Variants in TCF12 observed in about 807,000 individuals in gnomAD.
The protein encoded by TCF12 is DNA-binding protein HTF4.
Under a neutral mutation model 86.0 loss-of-function variants are expected in TCF12, and 45 were observed. The observed-to-expected ratio is 0.52, with a 90% CI of 0.41 to 0.67. The LOEUF is 0.67. TCF12 is among the 30% of genes least tolerant of loss of function. The pLI, the probability that TCF12 is intolerant of heterozygous loss-of-function variation, is 0.00. For missense variants in TCF12, 881 were observed against 859.9 expected (o/e 1.02, Z -0.31); for synonymous variants, 330 against 299.6 (o/e 1.10, Z -1.05).
At chr15:57,276,474 T>C (rs1485703085) in intron 19 of TCF12, among the ~76,000 whole-genome samples, 1 of 152,178 alleles carries the variant, frequency 6.6e-6, no homozygotes, top group African/African-American at 2.4e-5. Context: ...GGATAGAAAG[T>C]CGATGGAATA....
intron 5 of TCF12, among the ~76,000 whole-genome samples, chr15:57,136,022 T>C (rs1022162546): frequency 9.8e-5 from 15 of 152,316 alleles, no homozygotes; most frequent in African/African-American, 3.4e-4. Context: ...AGATCTTCAT[T>C]TATCTTCCAC....
chr15:57,057,336 A>G (rs1181364271), intron 3 of TCF12, among the ~76,000 whole-genome samples: 2 of 152,146 alleles, frequency 1.3e-5, no homozygotes, highest in Admixed American at 6.5e-5. Context: ...CAAAAAGACA[A>G]TGGGGTTTCT....
intron 8 of TCF12, among the ~76,000 whole-genome samples, chr15:57,208,557 A>T (rs933176877): frequency 1.4e-5 from 2 of 147,876 alleles, no homozygotes; most frequent in South Asian, 2.1e-4. Flanking sequence ...TAATTTTTGT[A>T]TTTTTTTTGT....
At chr15:56,938,349 C>T (rs764292346) in intron 3 of TCF12, among the ~76,000 whole-genome samples, 11 of 151,704 alleles carry the variant, frequency 7.3e-5, no homozygotes, top group Non-Finnish European at 1.3e-4. Flanking sequence ...TTCATAGAGA[C>T]GGGGTTTCAC....
chr15:57,037,684 C>G (rs534600473), intron 3 of TCF12, among the ~76,000 whole-genome samples: 2 of 152,150 alleles, frequency 1.3e-5, no homozygotes, highest in Non-Finnish European at 2.9e-5. Context: ...AGTACCCTTG[C>G]TTTTTAATGG....
In TCF12 at chr15:56,984,001, C is replaced by CAAAAAAAA. The variant is rs71113046; in HGVS notation, c.148+62911_148+62918dup. Reference sequence around the variant, plus strand: ...TAGGCAACTGAGTGAGACCCTGTCTCAAAAAAAAAAAAAAAGAAGAAGAAG... The same window carrying CAAAAAAAA: ...TAGGCAACTGAGTGAGACCCTGTCTCAAAAAAAAAAAAAAAAAAAAAAAGAAGAAGAAG... On this transcript the variant is annotated intron_variant, in intron 3 of 20. Coordinates refer to ENST00000333725, the MANE Select transcript of TCF12 (RefSeq NM_207037.2). 1.7e-3 allele frequency among the ~76,000 whole-genome samples: 73 copies of CAAAAAAAA among 43,034 alleles called. 4 individuals carry two copies. Among genetic ancestry groups the CAAAAAAAA allele is most frequent in the Middle Eastern group, 0.043 (2 of 46 alleles). The allele number at this position is 43,034 out of a possible 152,430, so 28.2% of individuals were successfully genotyped here. A position where few individuals can be genotyped will look rare whatever the true frequency, so the allele number is the denominator to read the frequency against.
intron 3 of TCF12, among the ~76,000 whole-genome samples, chr15:57,022,010 A>G (rs2065515370): frequency 6.6e-6 from 1 of 152,136 alleles, no homozygotes; most frequent in Non-Finnish European, 1.5e-5. Flanking sequence ...TTTTAATCAT[A>G]AACCCTGGTG....
rs535279273 is a variant in TCF12, at chr15:56,931,392, G to A, written c.148+10294G>A. Reference sequence around the variant, plus strand: ...GAGAAATTTTCAGGGTAAAAATCAGGAGTGTAGAATTCTTTTCATTTGGTC... The same window carrying A: ...GAGAAATTTTCAGGGTAAAAATCAGAAGTGTAGAATTCTTTTCATTTGGTC... On this transcript the variant is annotated intron_variant, in intron 3 of 20. Coordinates refer to ENST00000333725, the MANE Select transcript of TCF12 (RefSeq NM_207037.2). 7.2e-5 allele frequency among the ~76,000 whole-genome samples: 11 copies of A among 152,244 alleles called. 1 individual carries two copies. The South Asian group carries it at 2.3e-3, about 32-fold the overall frequency.
intron 20 of TCF12, among the ~76,000 whole-genome samples, chr15:57,282,845 G>A (rs1406667402): frequency 6.6e-6 from 1 of 152,186 alleles, no homozygotes; most frequent in Non-Finnish European, 1.5e-5. Context: ...TCTGTTCGGA[G>A]TCATCATGTG....
intron 5 of TCF12, among the ~76,000 whole-genome samples, chr15:57,153,708 G>C (rs368692438): frequency 6.6e-6 from 1 of 152,136 alleles, no homozygotes; most frequent in Non-Finnish European, 1.5e-5. Flanking sequence ...ACCAATAGTG[G>C]CTATTAAATG....
At chr15:57,233,990 A>T in intron 11 of TCF12, 53 bp from the exon 12 acceptor site, 1 of 1,486,632 alleles carries the variant, frequency 6.7e-7, no homozygotes, top group Non-Finnish European at 9.4e-7. Context: ...AGAGTGCTAA[A>T]ATATAATACT....
intron 3 of TCF12, among the ~76,000 whole-genome samples, chr15:56,969,288 T>C (rs1465290840): frequency 6.6e-6 from 1 of 152,196 alleles, no homozygotes; most frequent in Non-Finnish European, 1.5e-5. Context: ...AGGATCACTC[T>C]GGCTGCTGTG....
chr15:57,055,502 T>C (rs2067952378), intron 3 of TCF12, among the ~76,000 whole-genome samples: 1 of 152,232 alleles, frequency 6.6e-6, no homozygotes, highest in Non-Finnish European at 1.5e-5. Flanking sequence ...TTTTCTGTTA[T>C]TTGTAAAGGT....
intron 18 of TCF12, among the ~76,000 whole-genome samples, chr15:57,271,504 C>T (rs1214704154): frequency 6.6e-6 from 1 of 152,226 alleles, no homozygotes; most frequent in Non-Finnish European, 1.5e-5. Flanking sequence ...CATGGCTTCC[C>T]TTGGCTAGGA....
chr15:57,255,535 G>A (rs1056322638), intron 16 of TCF12, among the ~76,000 whole-genome samples: 6 of 152,140 alleles, frequency 3.9e-5, no homozygotes, highest in Admixed American at 3.3e-4. Context: ...CCAGGCTGGA[G>A]TGCAGTGCCG....
At chr15:56,995,827 A>G (rs1025940982) in intron 3 of TCF12, among the ~76,000 whole-genome samples, 1 of 152,074 alleles carries the variant, frequency 6.6e-6, no homozygotes, top group African/African-American at 2.4e-5. Context: ...CCAGTACTAC[A>G]TTGAATAGAA....
chr15:57,277,018 C>A (rs1211505935), intron 19 of TCF12, among the ~76,000 whole-genome samples: 1 of 152,012 alleles, frequency 6.6e-6, no homozygotes, highest in Non-Finnish European at 1.5e-5. Context: ...GTTGAACAGA[C>A]TGGTCTGAAA....
intron 3 of TCF12, among the ~76,000 whole-genome samples, chr15:57,035,890 C>T (rs535289791): frequency 4.6e-5 from 7 of 152,184 alleles, no homozygotes; most frequent in Non-Finnish European, 4.4e-5. Flanking sequence ...ATCTCCTGAG[C>T]TCCACCTCCC....
chr15:56,963,894 A>C (rs1204982798), intron 3 of TCF12, among the ~76,000 whole-genome samples: 1 of 152,194 alleles, frequency 6.6e-6, no homozygotes, highest in African/African-American at 2.4e-5. Context: ...TGAGATTGCT[A>C]TGGCAACAAA....
Sources: gnomAD v4.1 joint callset for allele counts (sites outside exome capture counted in the v4.1 genomes callset) on GRCh38, gnomAD v4.1.1 for gene constraint, MANE v1.5 for transcripts, NCBI Gene and HGNC (gene_info 2026-07-23, HGNC 2026-07-21) for gene names.